Variants in GPR160 observed in about 807,000 individuals in gnomAD.
GPR160 encodes G protein-coupled receptor 160.
GPR160 carries 2 observed loss-of-function variants against 2.6 expected under a neutral mutation model. The observed-to-expected ratio is 0.77, with a 90% confidence interval of 0.32 to 2.44. GPR160 has a LOEUF of 2.44. Ranked by LOEUF, GPR160 falls within the 30% of genes most tolerant of loss-of-function variation. The pLI is 0.11. For synonymous variants in GPR160, 130 were observed against 132.2 expected (o/e 0.98, Z 0.12); for missense variants, 351 against 383.6 (o/e 0.91, Z 0.71).
At chr3:170,068,923 T>C (rs2287480) in intron 2 of GPR160, among the ~76,000 whole-genome samples, 39,291 of 152,142 alleles carry the variant, frequency 0.26, 5,633 homozygotes, top group East Asian at 0.5. Context: ...TCAGGGAAGA[T>C]TCAATGTAGT....
chr3:170,056,022 G>A (rs1387579828), intron 2 of GPR160, among the ~76,000 whole-genome samples: 3 of 152,092 alleles, frequency 2.0e-5, no homozygotes, highest in African/African-American at 7.2e-5. Flanking sequence ...ATAATCCTTT[G>A]TTGCTCTTAT....
At chr3:170,052,416 G>A (rs2108316892) in intron 2 of GPR160, among the ~76,000 whole-genome samples, 1 of 152,276 alleles carries the variant, frequency 6.6e-6, no homozygotes, top group South Asian at 2.1e-4. Flanking sequence ...TCTGATTTTA[G>A]TCATTCTGAT....
At chr3:170,047,252 G>A (rs992638835) in intron 2 of GPR160, among the ~76,000 whole-genome samples, 1 of 151,988 alleles carries the variant, frequency 6.6e-6, no homozygotes, top group South Asian at 2.1e-4. Context: ...CACCCTCACC[G>A]CATCCCCCCA....
chr3:170,054,097 TTGTGTG>T (rs35080259), intron 2 of GPR160, among the ~76,000 whole-genome samples: 1 of 150,274 alleles, frequency 6.7e-6, no homozygotes, highest in Non-Finnish European at 1.5e-5. Context: ...AAAGCAGCGT[TTGTGTG>T]TGTGTGTGTG....
At chr3:170,067,867 C>T (rs1164220559) in intron 2 of GPR160, among the ~76,000 whole-genome samples, 3 of 152,176 alleles carry the variant, frequency 2.0e-5, no homozygotes, top group African/African-American at 4.8e-5. Flanking sequence ...GGGTTTTCCA[C>T]AGTGTGAGTC....
At chr3:170,045,408 CAAAAAAAAAAAAAAAAAAAAA>C (rs368019452) in intron 2 of GPR160, among the ~76,000 whole-genome samples, 24 of 33,658 alleles carry the variant, frequency 7.1e-4, no homozygotes, top group South Asian at 2.6e-3. Context: ...ACTAAAAATA[CAAAAAAAAAAAAAAAAAAAAA>C]AAAAAAAAAA....
chr3:170,060,459 G>T lies in GPR160; in HGVS notation c.-192-19315G>T, dbSNP rs566316159. Among the ~76,000 whole-genome samples, 4 of 152,282 alleles carry T rather than the reference G, an allele frequency of 2.6e-5. No individual in the cohort carries two copies. In the South Asian group the frequency reaches 6.2e-4, roughly 24 times the overall value. ...CAAAGTATTAATTACAAAGGGAAAA[G>T]GTCCTCTACAACAGTAAAATGGACG... is the stretch of plus-strand genomic sequence containing the variant. On this transcript the variant is annotated intron_variant, in intron 2 of 3. Transcript: ENST00000355897.
At chr3:170,051,949 G>A (rs1396669653) in intron 2 of GPR160, among the ~76,000 whole-genome samples, 1 of 152,026 alleles carries the variant, frequency 6.6e-6, no homozygotes, top group African/African-American at 2.4e-5. Context: ...TTTTTGAGAT[G>A]GAGTCTCACT....
chr3:170,051,089 A>G (rs1424662574), intron 2 of GPR160, among the ~76,000 whole-genome samples: 2 of 152,362 alleles, frequency 1.3e-5, no homozygotes, highest in South Asian at 2.1e-4. Flanking sequence ...CTAACAGTGT[A>G]TGAGGATTCT....
intron 2 of GPR160, among the ~76,000 whole-genome samples, chr3:170,045,408 CAAAAAAAAAAAAAAAAAAAAAAAAAAAAA>C (rs368019452): frequency 3.0e-5 from 1 of 33,640 alleles, no homozygotes; most frequent in African/African-American, 1.0e-4. Flanking sequence ...ACTAAAAATA[CAAAAAAAAAAAAAAAAAAAAAAAAAAAAA>C]AAAAAAAAAA....
intron 2 of GPR160, among the ~76,000 whole-genome samples, chr3:170,067,999 G>A (rs1475711180): frequency 2.6e-5 from 4 of 152,192 alleles, no homozygotes; most frequent in African/African-American, 9.7e-5. Flanking sequence ...GGCACAAAAT[G>A]TCTGGTTGTC....
intron 2 of GPR160, among the ~76,000 whole-genome samples, chr3:170,072,106 G>A (rs933130938): frequency 3.5e-5 from 4 of 114,186 alleles, no homozygotes; most frequent in African/African-American, 3.6e-5. Flanking sequence ...GCAGATTCTC[G>A]CTTTGTCACC....
intron 2 of GPR160, among the ~76,000 whole-genome samples, chr3:170,048,815 T>C (rs1716838740): frequency 6.6e-6 from 1 of 152,222 alleles, no homozygotes; most frequent in Non-Finnish European, 1.5e-5. Flanking sequence ...TCAGGCTTGC[T>C]CCATGCGTGG....
chr3:170,047,675 T>C (rs1370213068), intron 2 of GPR160, among the ~76,000 whole-genome samples: 1 of 151,934 alleles, frequency 6.6e-6, no homozygotes, highest in Non-Finnish European at 1.5e-5. Flanking sequence ...AATGAGTGGA[T>C]AAAGAATATG....
At chr3:170,070,833 G>C (rs1712553837) in intron 2 of GPR160, among the ~76,000 whole-genome samples, 1 of 152,178 alleles carries the variant, frequency 6.6e-6, no homozygotes, top group Admixed American at 6.5e-5. Flanking sequence ...TGCTATTGGA[G>C]ATTTACATTA....
At chr3:170,077,378 G>T (rs1712907517) in intron 2 of GPR160, 1 of 152,084 alleles carries the variant, frequency 6.6e-6, no homozygotes, top group Non-Finnish European at 1.5e-5. Flanking sequence ...GAAGCTACAT[G>T]ATGTGTGATA....
At chr3:170,045,759 G>A (rs190137738) in intron 2 of GPR160, among the ~76,000 whole-genome samples, 2 of 152,242 alleles carry the variant, frequency 1.3e-5, no homozygotes, top group Non-Finnish European at 2.9e-5. Flanking sequence ...CCTTGTCAAG[G>A]AAGAGTGGGT....
intron 3 of GPR160, among the ~76,000 whole-genome samples, chr3:170,082,988 G>C (rs1231309864): frequency 7.4e-6 from 1 of 135,292 alleles, no homozygotes; most frequent in Non-Finnish European, 1.6e-5. Context: ...TTTTTTTTTT[G>C]GTTTTTGTTT....
intron 2 of GPR160, among the ~76,000 whole-genome samples, chr3:170,047,761 G>A (rs1350302320): frequency 2.0e-5 from 3 of 150,976 alleles, no homozygotes; most frequent in Non-Finnish European, 4.4e-5. Context: ...ACACACCATG[G>A]AATACTGCTC....
Sources: gnomAD v4.1 joint callset for allele counts (sites outside exome capture counted in the v4.1 genomes callset) on GRCh38, gnomAD v4.1.1 for gene constraint, MANE v1.5 for transcripts, NCBI Gene and HGNC (gene_info 2026-07-23, HGNC 2026-07-21) for gene names.